Variants in GAREM1 observed in about 807,000 individuals in gnomAD.
GAREM1 encodes GRB2-associated and regulator of MAPK protein 1.
Under a neutral mutation model 71.3 loss-of-function variants are expected in GAREM1, and 26 were observed. That is an observed-to-expected ratio of 0.36 (90% CI 0.27 to 0.51). The LOEUF is 0.51. GAREM1 is among the 20% of genes least tolerant of loss of function. GAREM1 has a pLI of 0.95. For synonymous variants in GAREM1, 440 were observed against 433.2 expected, an observed-to-expected ratio of 1.02 and a Z score of -0.20; for missense variants, 1,026 against 1,103.1, an observed-to-expected ratio of 0.93 and a Z score of 0.99.
At chr18:32,369,823 G>C (rs1332998526) in intron 2 of GAREM1, among the ~76,000 whole-genome samples, 3 of 152,168 alleles carry the variant, frequency 2.0e-5, no homozygotes, top group African/African-American at 7.2e-5. Flanking sequence ...CTCTGGATAT[G>C]GATTTGTCCA....
At position 32,342,426 on chromosome 18, in the gene GAREM1, T is replaced by C. The variant is rs570712048; in HGVS notation, c.263-32103A>G. ...TGCAGGGCTCTGCTTACCACCCTTT[T>C]GGTATGGCACACACAACCTTGCATG... On this transcript the variant is annotated intron_variant, in intron 2 of 5. Coordinates refer to ENST00000269209, the MANE Select transcript of GAREM1 (RefSeq NM_001242409.2). 1.6e-4 allele frequency among the ~76,000 whole-genome samples: 24 copies of C among 152,336 alleles called. 1 individual carries two copies. The East Asian group carries it at 4.6e-3, about 29-fold the overall frequency.
chr18:32,309,364 C>T (rs2047289920), intron 3 of GAREM1, among the ~76,000 whole-genome samples: 2 of 148,938 alleles, frequency 1.3e-5, no homozygotes, highest in Admixed American at 1.3e-4. Context: ...ACCTGTAATC[C>T]CAGCACTTTG....
chr18:32,363,795 T>G (rs940449598), intron 2 of GAREM1, among the ~76,000 whole-genome samples: 26 of 151,412 alleles, frequency 1.7e-4, no homozygotes, highest in African/African-American at 6.3e-4. Flanking sequence ...AGGCTCAAGG[T>G]AATCTTCCTA....
At chr18:32,280,594 G>A (rs1476164426) in intron 4 of GAREM1, among the ~76,000 whole-genome samples, 1 of 152,192 alleles carries the variant, frequency 6.6e-6, no homozygotes, top group Admixed American at 6.5e-5. Flanking sequence ...AGGGTGCCAA[G>A]CATTTCTGGA....
intron 2 of GAREM1, among the ~76,000 whole-genome samples, chr18:32,347,322 G>A (rs2047706071): frequency 6.6e-6 from 1 of 152,022 alleles, no homozygotes; most frequent in African/African-American, 2.4e-5. Flanking sequence ...AACAAAGTGA[G>A]ACCGTGTCTC....
intron 1 of GAREM1, among the ~76,000 whole-genome samples, chr18:32,419,206 A>G (rs1301968232): frequency 6.6e-6 from 1 of 152,136 alleles, no homozygotes; most frequent in African/African-American, 2.4e-5. Flanking sequence ...GGCTTCAAAT[A>G]TCTCTGACTT....
At chr18:32,417,870 A>G (rs1443967701) in intron 1 of GAREM1, among the ~76,000 whole-genome samples, 1 of 152,230 alleles carries the variant, frequency 6.6e-6, no homozygotes, top group Non-Finnish European at 1.5e-5. Flanking sequence ...AAAAATAACT[A>G]AAAGTATAAT....
chr18:32,270,746 T>C (rs533336477), intron 4 of GAREM1, among the ~76,000 whole-genome samples: 1 of 152,284 alleles, frequency 6.6e-6, no homozygotes, highest in South Asian at 2.1e-4. Context: ...AATAAGAACG[T>C]AAGGCATTCA....
At chr18:32,281,689 T>C (rs1222070278) in intron 4 of GAREM1, among the ~76,000 whole-genome samples, 2 of 152,208 alleles carry the variant, frequency 1.3e-5, no homozygotes, top group East Asian at 1.9e-4. Flanking sequence ...TAAAGACAGA[T>C]GGAGGCCGGG....
At chr18:32,339,665 C>T (rs1026187875) in intron 2 of GAREM1, among the ~76,000 whole-genome samples, 3 of 152,218 alleles carry the variant, frequency 2.0e-5, no homozygotes, top group Non-Finnish European at 4.4e-5. Flanking sequence ...CTCTACGATG[C>T]CTTGCAGGTG....
intron 1 of GAREM1, among the ~76,000 whole-genome samples, chr18:32,466,855 T>C (rs1456335146): frequency 6.6e-6 from 1 of 152,130 alleles, no homozygotes; most frequent in Non-Finnish European, 1.5e-5. Flanking sequence ...TCATCAAATC[T>C]CCCAAGGAGA....
chr18:32,288,038 T>C lies in GAREM1; in HGVS notation c.559A>G (p.Ile187Val). The C allele has an allele frequency of 6.2e-7, 1 of 1,614,168 alleles. No individual in the cohort carries two copies. Among genetic ancestry groups the C allele is most frequent in the African/African-American group, 1.3e-5 (1 of 75,038 alleles). The change falls in exon 4 of 6, where the codon ATC becomes GTC. Residue 187 changes from isoleucine to valine, a missense_variant. Ile to Val is a conservative substitution (Grantham distance 29). Around this residue, in one of 3 missense-constraint regions of GAREM1, gnomAD observed 218 missense variants for 296.8 expected, o/e 0.73. Transcript: ENST00000269209. ...ATTTTGCCTTTTCCCAGCTTGCTGA[T>C]GGAATTGAGCTTCCCAATCTTTTTG... is the stretch of plus-strand genomic sequence containing the variant. ...IFKKIGKLNS[I>V]SKLGKGKMPC...
intron 2 of GAREM1, among the ~76,000 whole-genome samples, chr18:32,385,143 G>A (rs2048133284): frequency 6.6e-6 from 1 of 150,790 alleles, no homozygotes; most frequent in South Asian, 2.1e-4. Flanking sequence ...AAATACTGGA[G>A]AGCTGATTTC....
Position 32,392,905 on chromosome 18 carries a change from T to C in GAREM1, c.252A>G (p.Val84=). 1 of 1,613,774 alleles carries C rather than the reference T, an allele frequency of 6.2e-7. No individual in the cohort carries two copies. Among genetic ancestry groups the C allele is most frequent in the Non-Finnish European group, 8.5e-7 (1 of 1,179,798 alleles). The change falls in exon 2 of 6, where the codon GTA becomes GTG. Residue 84 remains valine (V), a synonymous_variant. Transcript: ENST00000269209. ...YVIGPKIEIP[V]HYAGQFKLLE... is the part of the protein sequence containing the mutation. Reference sequence around the variant, plus strand: ...TTGGAGGAGTCTTACCTGCATAATGTACCGGAATCTCTATCTTTGGCCCAA... The same window carrying C: ...TTGGAGGAGTCTTACCTGCATAATGCACCGGAATCTCTATCTTTGGCCCAA...
intron 3 of GAREM1, among the ~76,000 whole-genome samples, chr18:32,291,179 T>C (rs774096248): frequency 1.3e-5 from 2 of 151,690 alleles, no homozygotes; most frequent in East Asian, 1.9e-4. Flanking sequence ...ATCCAAGGAA[T>C]GCATATGAAA....
chr18:32,289,861 C>T (rs1002872864), intron 3 of GAREM1, among the ~76,000 whole-genome samples: 3 of 152,136 alleles, frequency 2.0e-5, no homozygotes, highest in South Asian at 2.1e-4. Context: ...GGTTGAGAAA[C>T]GCTGGTATAA....
chr18:32,294,919 T>C (rs2047125729), intron 3 of GAREM1, among the ~76,000 whole-genome samples: 1 of 152,228 alleles, frequency 6.6e-6, no homozygotes, highest in South Asian at 2.1e-4. Flanking sequence ...ACGATAAATT[T>C]GTTTGAGATA....
intron 2 of GAREM1, among the ~76,000 whole-genome samples, chr18:32,354,660 C>T (rs2047787248): frequency 6.6e-6 from 1 of 152,172 alleles, no homozygotes; most frequent in South Asian, 2.1e-4. Context: ...ACAGTGGGGT[C>T]AACTCCCTCC....
chr18:32,274,571 GC>G lies in GAREM1; in HGVS notation c.1567-4189del, dbSNP rs1191249068. Among the ~76,000 whole-genome samples, 3 of 152,232 alleles carry G rather than the reference GC, an allele frequency of 2.0e-5. No individual in the cohort carries two copies. The East Asian group carries it at 5.8e-4, about 29-fold the overall frequency. On this transcript the variant is annotated intron_variant, in intron 4 of 5. Coordinates refer to ENST00000269209, the MANE Select transcript of GAREM1 (RefSeq NM_001242409.2). ...TGGCCTCCCCTGCCTGCCACCCAAG[GC>G]TCTGTGCGACCAGGCTCCCACGCAT... is the stretch of plus-strand genomic sequence containing the variant.
Sources: allele counts gnomAD v4.1 joint callset (sites outside exome capture counted in the v4.1 genomes callset), GRCh38; gene constraint gnomAD v4.1.1; regional missense constraint gnomAD v4.1.1; transcripts MANE v1.5; gene names NCBI Gene and HGNC (gene_info 2026-07-23, HGNC 2026-07-21).